The following AGAP3 variants were observed in gnomAD, a reference collection of about 807,000 sequenced individuals.
AGAP3 encodes the protein ArfGAP with GTPase domain, ankyrin repeat and PH domain 3.
Under a neutral mutation model 96.9 loss-of-function variants are expected in AGAP3, and 24 were observed. The observed-to-expected ratio is 0.25, with a 90% CI of 0.18 to 0.35. AGAP3 has a LOEUF of 0.35. Among genes scored for constraint, AGAP3 ranks in the 10% least tolerant of loss-of-function variants. The probability of loss-of-function intolerance (pLI) is 1.00; values close to 1 mark genes in which losing one functional copy is unlikely to be tolerated. For missense variants in AGAP3, 876 were observed against 1,254.2 expected (o/e 0.70, Z 4.55); for synonymous variants, 563 against 536.1 (o/e 1.05, Z -0.69).
intron 1 of AGAP3, among the ~76,000 whole-genome samples, chr7:151,107,848 T>C (rs1351162981): frequency 6.6e-6 from 1 of 152,138 alleles, no homozygotes; most frequent in Non-Finnish European, 1.5e-5. Flanking sequence ...GAGAAAAAGG[T>C]GCAACACGGC....
intron 1 of AGAP3, among the ~76,000 whole-genome samples, chr7:151,088,360 A>G (rs544936033): frequency 6.6e-6 from 1 of 152,250 alleles, no homozygotes; most frequent in South Asian, 2.1e-4. Context: ...TTCTCTGTGA[A>G]CTAATTAGGT....
At chr7:151,102,954 C>A (rs547449566) in intron 1 of AGAP3, among the ~76,000 whole-genome samples, 2 of 152,346 alleles carry the variant, frequency 1.3e-5, no homozygotes, top group Non-Finnish European at 2.9e-5. Flanking sequence ...TGGTGTTACA[C>A]ACCTGTAGTC....
At chr7:151,093,181 G>A (rs1393686633) in intron 1 of AGAP3, among the ~76,000 whole-genome samples, 1 of 152,134 alleles carries the variant, frequency 6.6e-6, no homozygotes, top group Non-Finnish European at 1.5e-5. Flanking sequence ...TCCCTCTGTT[G>A]TCCAGGCTGC....
chr7:151,117,469 C>A lies in AGAP3; in HGVS notation c.564+13C>A, dbSNP rs749563182. 20 of 1,613,970 alleles carry A rather than the reference C, an allele frequency of 1.2e-5. No individual in the cohort carries two copies. In the South Asian group the frequency reaches 2.2e-4, roughly 18 times the overall value. On this transcript the variant is annotated intron_variant, in intron 4 of 17. Transcript: ENST00000397238. ...CCCTGAGCTCCAGGTGATGCTCCTG[C>A]CCAGGGTTAGGGCCCACCGCTGTGC...
intron 1 of AGAP3, among the ~76,000 whole-genome samples, chr7:151,113,148 A>G (rs1324628393): frequency 6.6e-6 from 1 of 152,202 alleles, no homozygotes; most frequent in Non-Finnish European, 1.5e-5. Flanking sequence ...ACACGTAGAT[A>G]GGGAAGTCAA....
At chr7:151,124,601 T>G (rs1585090238) in intron 9 of AGAP3, among the ~76,000 whole-genome samples, 1 of 152,262 alleles carries the variant, frequency 6.6e-6, no homozygotes, top group African/African-American at 2.4e-5. Context: ...GGAGAGGCCA[T>G]GTACATAGGC....
chr7:151,135,886 C>T (rs1483989099), intron 11 of AGAP3, among the ~76,000 whole-genome samples: 1 of 152,132 alleles, frequency 6.6e-6, no homozygotes, highest in African/African-American at 2.4e-5. Context: ...TTCAACCTAA[C>T]TGTGTCTGAC....
intron 1 of AGAP3, chr7:151,115,153 C>CT (rs1232088744): frequency 9.6e-7 from 1 of 1,045,836 alleles, no homozygotes; most frequent in East Asian, 9.5e-5. Flanking sequence ...GCCAGCATGA[C>CT]TTTCCTGGAG....
At chr7:151,137,991 T>C (rs2150529172) in intron 11 of AGAP3, 152 bp from the exon 12 acceptor site, 1 of 642,512 alleles carries the variant, frequency 1.6e-6, no homozygotes, top group South Asian at 1.9e-5. Context: ...GCGCAGCCTC[T>C]GGCTCTCCCA....
chr7:151,141,700 G>A lies in AGAP3; in HGVS notation c.1805-198G>A, dbSNP rs1800817969. ...ACAGGTGGTTAGGAATGAGAACTGGGAGCTCACACTAGTCTTGCAGGTTTA... is the reference window on the plus strand; with the variant it reads ...ACAGGTGGTTAGGAATGAGAACTGGAAGCTCACACTAGTCTTGCAGGTTTA... On this transcript the variant is annotated intron_variant, in intron 13 of 17. Coordinates refer to ENST00000397238, the MANE Select transcript of AGAP3 (RefSeq NM_031946.7). This position sits in a 1 kb window ranked among gnomAD's most constrained non-coding sequence, Gnocchi z 4.2. The A allele has an allele frequency of 3.2e-6, 2 of 618,894 alleles. No individual in the cohort carries two copies. The highest frequency in any genetic ancestry group is 2.8e-5 in the East Asian group (1 of 35,730). 38.3% of individuals were successfully genotyped at this position (618,894 alleles called of 1,614,324 possible). A position where few individuals can be genotyped will look rare whatever the true frequency, so the allele number is the denominator to read the frequency against.
In AGAP3 at chr7:151,123,854, A is replaced by T. The variant is rs1261875494; in HGVS notation, c.1189A>T (p.Ile397Phe). 6.2e-7 allele frequency: 1 copy of T among 1,611,472 alleles called. No homozygotes were observed. Among genetic ancestry groups the T allele is most frequent in the South Asian group, 1.1e-5 (1 of 91,086 alleles). Residue 397 changes from isoleucine to phenylalanine, a missense_variant, in exon 9 of 18, where the codon ATC (isoleucine) becomes TTC (phenylalanine). Physicochemically the swap from Ile to Phe is conservative, Grantham distance 21. Around this residue, in one of 8 missense-constraint regions of AGAP3, gnomAD observed 49 missense variants for 41.7 expected, o/e 1.17. Transcript: ENST00000397238. The stretch of plus-strand genomic sequence containing the variant: ...GGCTGCCGAGTGCAAGGTGGACAGC[A>T]TCGGGAGCGGCCGCGCCATCCCCAT... ...KKAAECKVDS[I>F]GSGRAIPIKQ...
intron 9 of AGAP3, among the ~76,000 whole-genome samples, chr7:151,124,251 A>G (rs1189575051): frequency 3.3e-5 from 5 of 151,974 alleles, no homozygotes; most frequent in Admixed American, 1.3e-4. Flanking sequence ...GTGGAAGGGG[A>G]TACTGAGGGC....
At chr7:151,099,859 T>C (rs1036062) in intron 1 of AGAP3, among the ~76,000 whole-genome samples, 117,289 of 152,154 alleles carry the variant, frequency 0.77, 45,271 homozygotes, top group East Asian at 0.98. Flanking sequence ...AAGTAATATA[T>C]GTAATAGCAG....
intron 1 of AGAP3, among the ~76,000 whole-genome samples, chr7:151,101,062 C>T (rs1404049634): frequency 2.6e-5 from 4 of 152,196 alleles, no homozygotes; most frequent in East Asian, 1.9e-4. Flanking sequence ...CGCTGGCACG[C>T]GTCAATCCTG....
rs1025900992 is a variant in AGAP3, at chr7:151,118,201, C to G, written c.707-9C>G. On this transcript the variant is annotated splice_polypyrimidine_tract_variant and intron_variant, in intron 5 of 17. Coordinates refer to ENST00000397238, the MANE Select transcript of AGAP3 (RefSeq NM_031946.7). The surrounding 1 kb of genome is among the most constrained non-coding windows in gnomAD (Gnocchi z 6.1). Reference sequence around the variant, plus strand: ...AGCTGAATGACTCCCGCCCTCCCACCTCCAACAGATGCCATCAGCGCTGCG... The same window carrying G: ...AGCTGAATGACTCCCGCCCTCCCACGTCCAACAGATGCCATCAGCGCTGCG... 6.2e-7 allele frequency: 1 copy of G among 1,603,488 alleles called. No homozygotes were observed. The highest frequency in any genetic ancestry group is 8.5e-7 in the Non-Finnish European group (1 of 1,172,506).
intron 11 of AGAP3, chr7:151,137,936 T>G: frequency 1.7e-6 from 1 of 578,012 alleles, no homozygotes. Flanking sequence ...CTGTGGACCG[T>G]GAAGATCTGG....
rs202228850 is a variant in AGAP3 at position 151,143,320 on chromosome 7, C to G, written c.2274-21C>G. The G allele has an allele frequency of 3.1e-5, 49 of 1,596,402 alleles. No individual in the cohort carries two copies. The highest frequency in any genetic ancestry group is 4.0e-5 in the Non-Finnish European group (47 of 1,169,210). ...TCGGTGACCTTCCTTGGCTCATGCCCTGATGGGCCTGTGGTTGCAGAGAGG... is the reference window on the plus strand; with the variant it reads ...TCGGTGACCTTCCTTGGCTCATGCCGTGATGGGCCTGTGGTTGCAGAGAGG... On this transcript the variant is annotated intron_variant, in intron 16 of 17. Transcript: ENST00000397238. This position sits in a 1 kb window ranked among gnomAD's most constrained non-coding sequence, Gnocchi z 5.9.
chr7:151,107,467 A>T (rs988474186), intron 1 of AGAP3, among the ~76,000 whole-genome samples: 4 of 151,938 alleles, frequency 2.6e-5, no homozygotes, highest in Non-Finnish European at 5.9e-5. Flanking sequence ...CTACAAAAAA[A>T]ATACTAAACC....
intron 10 of AGAP3, among the ~76,000 whole-genome samples, chr7:151,131,486 C>T (rs1800400348): frequency 6.6e-6 from 1 of 152,206 alleles, no homozygotes; most frequent in African/African-American, 2.4e-5. Context: ...CTCTCCTGAG[C>T]AGCCGCCACC....
Sources: gnomAD v4.1 joint callset for allele counts (sites outside exome capture counted in the v4.1 genomes callset) on GRCh38, gnomAD v4.1.1 for gene constraint, gnomAD v4.1.1 regional missense constraint, Gnocchi (gnomAD v3.1) non-coding constraint, MANE v1.5 for transcripts, NCBI Gene and HGNC (gene_info 2026-07-23, HGNC 2026-07-21) for gene names.